Variants in ABHD2 observed in about 807,000 individuals in gnomAD.
The protein encoded by ABHD2 is abhydrolase domain containing 2, acylglycerol lipase.
Under a neutral mutation model 48.1 loss-of-function variants are expected in ABHD2, and 20 were observed. The observed-to-expected ratio is 0.42, with a 90% CI of 0.29 to 0.60. ABHD2 has a LOEUF of 0.60. ABHD2 is among the 20% of genes least tolerant of loss of function. The pLI is 0.24. For missense variants in ABHD2, 405 were observed against 550.9 expected (o/e 0.74, Z 2.65); for synonymous variants, 209 against 214.2 (o/e 0.98, Z 0.21).
chr15:89,171,797 T>A (rs183275389), intron 5 of ABHD2, among the ~76,000 whole-genome samples: 1 of 152,274 alleles, frequency 6.6e-6, no homozygotes, highest in Admixed American at 6.5e-5. Context: ...CCTCGTTCCT[T>A]AGAGCAGTGC....
the ABHD2 span, among the ~76,000 whole-genome samples, chr15:89,048,011 G>A: frequency 2.0e-5 from 3 of 151,582 alleles, no homozygotes; most frequent in Admixed American, 2.0e-4. Flanking sequence ...TTTACATTTT[G>A]GGCATGATTT....
the ABHD2 span, among the ~76,000 whole-genome samples, chr15:89,044,836 T>C: frequency 6.6e-6 from 1 of 152,156 alleles, no homozygotes; most frequent in Non-Finnish European, 1.5e-5. Context: ...TGTGAAAATT[T>C]CCTCCCATTT....
At chr15:89,121,916 A>C (rs1596083570) in intron 3 of ABHD2, among the ~76,000 whole-genome samples, 1 of 151,784 alleles carries the variant, frequency 6.6e-6, no homozygotes, top group South Asian at 2.1e-4. Context: ...GTAACCTCAA[A>C]CTCCTGAGCT....
intron 9 of ABHD2, among the ~76,000 whole-genome samples, chr15:89,191,885 C>G (rs2051312088): frequency 6.6e-6 from 1 of 151,952 alleles, no homozygotes; most frequent in South Asian, 2.1e-4. Flanking sequence ...CCTCAGCCTC[C>G]CAAAATGCTG....
At chr15:89,118,881 C>T (rs558024096) in intron 3 of ABHD2, among the ~76,000 whole-genome samples, 1 of 152,204 alleles carries the variant, frequency 6.6e-6, no homozygotes, top group East Asian at 1.9e-4. Context: ...TTTTCCCTCT[C>T]TAGCACATTT....
At chr15:89,048,906 T>TGATTCTCCGTC in the ABHD2 span, among the ~76,000 whole-genome samples, 1 of 101,690 alleles carries the variant, frequency 9.8e-6, no homozygotes, top group Non-Finnish European at 2.1e-5. Context: ...CTCGTCAAAG[T>TGATTCTCCGTC]CATTTGTTCC....
intron 5 of ABHD2, among the ~76,000 whole-genome samples, chr15:89,171,366 G>C (rs1359487885): frequency 6.6e-6 from 1 of 152,136 alleles, no homozygotes; most frequent in Non-Finnish European, 1.5e-5. Flanking sequence ...CAGTTCCCAG[G>C]CAATGCTGAT....
At chr15:89,108,042 C>T (rs978423108) in intron 1 of ABHD2, among the ~76,000 whole-genome samples, 1 of 152,136 alleles carries the variant, frequency 6.6e-6, no homozygotes, top group African/African-American at 2.4e-5. Context: ...TGTGGGTGTT[C>T]ATGTCAGTTA....
At chr15:89,080,581 AT>A in the ABHD2 span, among the ~76,000 whole-genome samples, 1 of 152,222 alleles carries the variant, frequency 6.6e-6, no homozygotes, top group African/African-American at 2.4e-5. Flanking sequence ...CCTCCAGGGC[AT>A]TATCAAACAC....
the ABHD2 span, among the ~76,000 whole-genome samples, chr15:89,077,557 G>C: frequency 6.6e-6 from 1 of 152,106 alleles, no homozygotes; most frequent in Non-Finnish European, 1.5e-5. Flanking sequence ...GTGACCTCAA[G>C]CACATTATTT....
At chr15:89,165,115 A>G (rs2050818251) in intron 5 of ABHD2, among the ~76,000 whole-genome samples, 1 of 152,192 alleles carries the variant, frequency 6.6e-6, no homozygotes, top group Non-Finnish European at 1.5e-5. Flanking sequence ...ATTCTGCAGT[A>G]TGCAATGCTT....
At position 89,201,025 on chromosome 15, in the gene ABHD2, T is replaced by G; in HGVS notation, c.*5602T>G. ...TGAACCCAGGAGACGGAGGTTGCAG[T>G]GAGCCGAGATCACGCCTCTGCACTC... On this transcript the variant is annotated 3_prime_UTR_variant, in exon 11 of 11. Coordinates refer to ENST00000352732, the MANE Select transcript of ABHD2 (RefSeq NM_152924.5). 1 of 604,430 alleles carries G rather than the reference T, an allele frequency of 1.7e-6. No individual in the cohort carries two copies. The highest frequency in any genetic ancestry group is 2.9e-6 in the Non-Finnish European group (1 of 341,678). 37.4% of individuals were successfully genotyped at this position (604,430 alleles called of 1,614,324 possible).
the ABHD2 span, among the ~76,000 whole-genome samples, chr15:89,041,455 C>A: frequency 1.3e-5 from 2 of 152,232 alleles, no homozygotes; most frequent in South Asian, 2.1e-4. Context: ...TCAGTATTCA[C>A]CCGCCTAAGG....
In ABHD2 at chr15:89,151,689, G is replaced by A. The variant is rs144690140; in HGVS notation, c.207G>A (p.Pro69=). ...CPLLTKEYIP[P]LIWGKSGHIQ... ...GTCCTTTCTTTAGATACATTCCACCGTTGATCTGGGGGAAAAGTGGACACA... is the reference window on the plus strand; with the variant it reads ...GTCCTTTCTTTAGATACATTCCACCATTGATCTGGGGGAAAAGTGGACACA... Residue 69 remains proline (P), a synonymous_variant, in exon 4 of 11, where the codon CCG becomes CCA. Transcript: ENST00000352732. This position sits in a 1 kb window ranked among gnomAD's most constrained non-coding sequence, Gnocchi z 4.7. The A allele has an allele frequency of 5.2e-4, 842 of 1,613,980 alleles. 2 individuals carry two copies. The highest frequency in any genetic ancestry group is 6.6e-4 in the Non-Finnish European group (773 of 1,179,890).
At chr15:89,081,841 A>G in the ABHD2 span, among the ~76,000 whole-genome samples, 1 of 152,192 alleles carries the variant, frequency 6.6e-6, no homozygotes, top group Non-Finnish European at 1.5e-5. Flanking sequence ...ACAGAGCAAG[A>G]CTCTGTCTCA....
At chr15:89,163,529 A>G (rs1055549599) in intron 5 of ABHD2, among the ~76,000 whole-genome samples, 3 of 152,238 alleles carry the variant, frequency 2.0e-5, no homozygotes, top group Non-Finnish European at 4.4e-5. Context: ...TAGGGAGGTT[A>G]AGTACCTTGA....
At position 89,116,362 on chromosome 15, in the gene ABHD2, C is replaced by A; in HGVS notation, c.35C>A (p.Ala12Asp). Reference sequence around the variant, plus strand: ...ATGCTGGAGACTCCCGAACTCCCAGCCGTGTTTGATGGAGTGAAGCTGGCT... The same window carrying A: ...ATGCTGGAGACTCCCGAACTCCCAGACGTGTTTGATGGAGTGAAGCTGGCT... ...NAMLETPELP[A>D]VFDGVKLAAV... Residue 12 changes from alanine (A) to aspartate (D), a missense_variant, in exon 3 of 11, where the codon GCC becomes GAC. Physicochemically the swap from Ala to Asp is moderately radical, Grantham distance 126 (BLOSUM62 -2). Transcript: ENST00000352732. This position sits in a 1 kb window ranked among gnomAD's most constrained non-coding sequence, Gnocchi z 4.6. The A allele has an allele frequency of 2.5e-6, 4 of 1,614,130 alleles. No individual in the cohort carries two copies. Among genetic ancestry groups the A allele is most frequent in the Non-Finnish European group, 3.4e-6 (4 of 1,179,980 alleles).
At position 89,176,485 on chromosome 15, in the gene ABHD2, G is replaced by A. The variant is rs1396691497; in HGVS notation, c.722+490G>A. On this transcript the variant is annotated intron_variant, in intron 6 of 10. Transcript: ENST00000352732. This position sits in a 1 kb window ranked among gnomAD's most constrained non-coding sequence, Gnocchi z 4.5. ...TCCTCACCTTTAAGTATTTGTCTCT[G>A]TCAGGCATCCCAGGCATCATCACAA... Among the ~76,000 whole-genome samples the A allele has an allele frequency of 6.6e-6, 1 of 152,152 alleles. No homozygotes were observed. Among genetic ancestry groups the A allele is most frequent in the Non-Finnish European group, 1.5e-5 (1 of 68,034 alleles).
the ABHD2 span, among the ~76,000 whole-genome samples, chr15:89,077,876 C>T: frequency 6.6e-6 from 1 of 152,168 alleles, no homozygotes; most frequent in Non-Finnish European, 1.5e-5. Flanking sequence ...GTACTGTGGA[C>T]AGCTTTTGCA....
Sources: allele counts gnomAD v4.1 joint callset (sites outside exome capture counted in the v4.1 genomes callset), GRCh38; gene constraint gnomAD v4.1.1; non-coding constraint Gnocchi (gnomAD v3.1); transcripts MANE v1.5; gene names NCBI Gene and HGNC (gene_info 2026-07-23, HGNC 2026-07-21).